The following CAMTA1 variants were observed in gnomAD, a reference collection of about 807,000 sequenced individuals.
CAMTA1 encodes calmodulin-binding transcription activator 1.
Under a neutral mutation model 170.9 loss-of-function variants are expected in CAMTA1, and 27 were observed. That is an observed-to-expected ratio of 0.16 (90% CI 0.12 to 0.22). CAMTA1 has a LOEUF of 0.22. Ranked by LOEUF, CAMTA1 falls within the 10% of genes least tolerant of loss-of-function variation. The pLI, the probability that CAMTA1 is intolerant of heterozygous loss-of-function variation, is 1.00. For missense variants in CAMTA1, 1,619 were observed against 2,217.2 expected (o/e 0.73, Z 5.42); for synonymous variants, 833 against 891.5 (o/e 0.93, Z 1.17).
intron 7 of CAMTA1, among the ~76,000 whole-genome samples, chr1:7,655,625 TACACACACCTATAC>T (rs1245077075): frequency 3.4e-4 from 31 of 89,998 alleles, no homozygotes; most frequent in South Asian, 2.3e-3. Flanking sequence ...CACACACCTA[TACACACACCTATAC>T]ACACACTACA....
Position 6,800,241 on chromosome 1 carries a change from A to G in CAMTA1, c.45+14666A>G, listed in dbSNP as rs138869052. On this transcript the variant is annotated intron_variant, in intron 1 of 22. Coordinates refer to ENST00000303635, the MANE Select transcript of CAMTA1 (RefSeq NM_015215.4). ...GGCAACATAGTGAGACCTTGTCTCTACTAAAAATAGAAAAAATTAGCCAGA... is the reference window on the plus strand; with the variant it reads ...GGCAACATAGTGAGACCTTGTCTCTGCTAAAAATAGAAAAAATTAGCCAGA... Among the ~76,000 whole-genome samples, 4 of 152,080 alleles carry G rather than the reference A, an allele frequency of 2.6e-5. No individual in the cohort carries two copies. In the East Asian group the frequency reaches 7.7e-4, roughly 29 times the overall value.
intron 4 of CAMTA1, among the ~76,000 whole-genome samples, chr1:7,240,385 T>C (rs1297700471): frequency 1.3e-5 from 2 of 152,116 alleles, no homozygotes; most frequent in African/African-American, 4.8e-5. Flanking sequence ...CAATGAGCAA[T>C]TAGTTTTTTG....
intron 3 of CAMTA1, among the ~76,000 whole-genome samples, chr1:7,039,211 G>A (rs1704069930): frequency 6.6e-6 from 1 of 152,074 alleles, no homozygotes; most frequent in South Asian, 2.1e-4. Flanking sequence ...ATATACTGTT[G>A]GAGTGTGGCG....
chr1:7,445,754 A>G (rs2092663390), intron 5 of CAMTA1, among the ~76,000 whole-genome samples: 2 of 152,280 alleles, frequency 1.3e-5, no homozygotes, highest in South Asian at 4.1e-4. Flanking sequence ...ATGAAAGGGG[A>G]GGTTGCCTCC....
At position 7,152,750 on chromosome 1, in the gene CAMTA1, G is replaced by A. The variant is rs369528594; in HGVS notation, c.302+61379G>A. Among the ~76,000 whole-genome samples the A allele has an allele frequency of 7.2e-5, 11 of 152,200 alleles. 1 individual carries two copies. Among genetic ancestry groups the A allele is most frequent in the East Asian group, 5.8e-4 (3 of 5,182 alleles). On this transcript the variant is annotated intron_variant, in intron 4 of 22. Transcript: ENST00000303635. ...CCTGGAAGAGAGGGTGGGCAGGCTC[G>A]GGGAGAACCCCAGAGCCTCATGTGG...
chr1:7,086,898 C>T (rs1466498643), intron 3 of CAMTA1, among the ~76,000 whole-genome samples: 1 of 152,214 alleles, frequency 6.6e-6, no homozygotes, highest in Non-Finnish European at 1.5e-5. Flanking sequence ...TTTGTTTGAG[C>T]ACCTGTTTTC....
At chr1:6,969,202 G>A (rs17030082) in intron 3 of CAMTA1, among the ~76,000 whole-genome samples, 76,111 of 151,940 alleles carry the variant, frequency 0.5, 19,422 homozygotes, top group East Asian at 0.63. Flanking sequence ...GGATCAGCCC[G>A]AGCCATGCTA....
At chr1:6,994,022 A>G (rs1025504792) in intron 3 of CAMTA1, among the ~76,000 whole-genome samples, 4 of 152,150 alleles carry the variant, frequency 2.6e-5, no homozygotes, top group African/African-American at 9.7e-5. Context: ...AATGTAATGT[A>G]TATTCTTAAC....
At chr1:6,940,778 A>T (rs893072990) in intron 3 of CAMTA1, among the ~76,000 whole-genome samples, 14 of 152,022 alleles carry the variant, frequency 9.2e-5, no homozygotes, top group Non-Finnish European at 2.1e-4. Context: ...AGAAGGATAG[A>T]TGGCAGGTGT....
At chr1:7,677,247 G>T (rs866683467) in intron 10 of CAMTA1, among the ~76,000 whole-genome samples, 3 of 152,238 alleles carry the variant, frequency 2.0e-5, no homozygotes, top group South Asian at 2.1e-4. Flanking sequence ...TGGGACAAGA[G>T]GGGAAGTCAG....
chr1:7,402,411 A>G (rs2089970309), intron 5 of CAMTA1, among the ~76,000 whole-genome samples: 1 of 151,964 alleles, frequency 6.6e-6, no homozygotes, highest in African/African-American at 2.4e-5. Flanking sequence ...GCTGCATGAC[A>G]TTACCCAGCA....
chr1:7,755,326 CAAAAAAAAA>C (rs70987373), intron 21 of CAMTA1, among the ~76,000 whole-genome samples: 6 of 61,970 alleles, frequency 9.7e-5, no homozygotes, highest in Admixed American at 6.6e-4. Context: ...GACTCCGTCT[CAAAAAAAAA>C]AAAAAAAAAA....
chr1:7,601,833 C>G (rs1375153109), intron 6 of CAMTA1, among the ~76,000 whole-genome samples: 5 of 152,170 alleles, frequency 3.3e-5, no homozygotes, highest in African/African-American at 9.6e-5. Context: ...CGCAGGCACT[C>G]GGCAGGCTGA....
rs113238260 is a variant in CAMTA1 at position 6,976,881 on chromosome 1, C to A, written c.235-114423C>A. ...ACCATGGGGACGGGTCTTTCCCATGCTGTTCTCGTGATAGTGAATAAGTCT... is the reference window on the plus strand; with the variant it reads ...ACCATGGGGACGGGTCTTTCCCATGATGTTCTCGTGATAGTGAATAAGTCT... On this transcript the variant is annotated intron_variant, in intron 3 of 22. Transcript: ENST00000303635. 9.7e-3 allele frequency among the ~76,000 whole-genome samples: 1,479 copies of A among 152,274 alleles called. 7 individuals are homozygous for A. Among genetic ancestry groups the A allele is most frequent in the Non-Finnish European group, 0.013 (914 of 68,024 alleles).
At chr1:7,704,459 G>A (rs2096482656) in intron 11 of CAMTA1, among the ~76,000 whole-genome samples, 1 of 145,838 alleles carries the variant, frequency 6.9e-6, no homozygotes, top group Non-Finnish European at 1.5e-5. Context: ...GCGAGGGACC[G>A]GGGGCCCGGC....
At chr1:6,822,914 G>C (rs576253290) in intron 2 of CAMTA1, among the ~76,000 whole-genome samples, 46 of 152,110 alleles carry the variant, frequency 3.0e-4, no homozygotes, top group Non-Finnish European at 5.0e-4. Context: ...ACATCAGATT[G>C]TGATCACAAA....
intron 6 of CAMTA1, among the ~76,000 whole-genome samples, chr1:7,602,855 G>A (rs1367540929): frequency 6.6e-6 from 1 of 152,184 alleles, no homozygotes; most frequent in Non-Finnish European, 1.5e-5. Context: ...GGTATGTTGT[G>A]TCTTTGTTCT....
chr1:6,985,707 C>T (rs566075785), intron 3 of CAMTA1, among the ~76,000 whole-genome samples: 10 of 152,142 alleles, frequency 6.6e-5, no homozygotes, highest in Non-Finnish European at 1.3e-4. Context: ...GAGGCAATTA[C>T]GTCTATTATT....
At chr1:7,225,790 G>T (rs1325793504) in intron 4 of CAMTA1, among the ~76,000 whole-genome samples, 1 of 152,208 alleles carries the variant, frequency 6.6e-6, no homozygotes, top group Non-Finnish European at 1.5e-5. Context: ...CAGCTCAGAA[G>T]TTCAGGGTCT....
Sources: allele counts gnomAD v4.1 joint callset (sites outside exome capture counted in the v4.1 genomes callset), GRCh38; gene constraint gnomAD v4.1.1; transcripts MANE v1.5; gene names NCBI Gene and HGNC (gene_info 2026-07-23, HGNC 2026-07-21).